NKAIN2: variants seen among roughly 807,000 people sequenced by gnomAD.
NKAIN2 encodes the protein sodium/potassium-transporting ATPase subunit beta-1-interacting protein 2.
Under a neutral mutation model 32.6 loss-of-function variants are expected in NKAIN2, and 14 were observed. The observed-to-expected ratio is 0.43, with a 90% CI of 0.28 to 0.67. The LOEUF is 0.67. NKAIN2 is among the 30% of genes least tolerant of loss of function. The pLI is 0.17. For missense variants in NKAIN2, 198 were observed against 258.3 expected (o/e 0.77, Z 1.60); for synonymous variants, 80 against 87.2 (o/e 0.92, Z 0.46).
chr6:123,911,072 A>G (rs892669239), intron 1 of NKAIN2, among the ~76,000 whole-genome samples: 5 of 152,066 alleles, frequency 3.3e-5, no homozygotes, highest in South Asian at 4.1e-4. Flanking sequence ...CTAGGTTGCT[A>G]TATTCTCATT....
rs536822371 is a variant in NKAIN2, at chr6:123,917,667, C to G, written c.54+113413C>G. Among the ~76,000 whole-genome samples, 8 of 152,154 alleles carry G rather than the reference C, an allele frequency of 5.3e-5. No individual in the cohort carries two copies. The East Asian group carries it at 1.6e-3, about 29-fold the overall frequency. ...CTTTTCTACATCCCTTCCTATGTCC[C>G]CATACTGTCACTCTGTTCATCAAAG... On this transcript the variant is annotated intron_variant, in intron 1 of 6. Transcript: ENST00000368417.
chr6:124,227,537 G>A (rs1042506251), intron 1 of NKAIN2, among the ~76,000 whole-genome samples: 4 of 152,152 alleles, frequency 2.6e-5, no homozygotes, highest in Admixed American at 2.6e-4. Context: ...AATTAAAGGA[G>A]TGGTATTCAT....
chr6:123,903,509 G>A (rs939949845), intron 1 of NKAIN2, among the ~76,000 whole-genome samples: 2 of 152,116 alleles, frequency 1.3e-5, no homozygotes, highest in African/African-American at 4.8e-5. Context: ...GAATGGCCCT[G>A]GGTGTTACTA....
At chr6:124,127,203 A>G (rs1428687436) in intron 1 of NKAIN2, among the ~76,000 whole-genome samples, 3 of 152,172 alleles carry the variant, frequency 2.0e-5, no homozygotes, top group African/African-American at 7.2e-5. Flanking sequence ...TCATGGATGG[A>G]GAGATTCTGA....
chr6:123,834,128 T>A (rs527437005), intron 1 of NKAIN2, among the ~76,000 whole-genome samples: 1 of 152,214 alleles, frequency 6.6e-6, no homozygotes, highest in East Asian at 1.9e-4. Context: ...TTTGCAATAA[T>A]TCCATATTAG....
chr6:124,062,179 A>C (rs1782944212), intron 1 of NKAIN2, among the ~76,000 whole-genome samples: 1 of 152,158 alleles, frequency 6.6e-6, no homozygotes, highest in African/African-American at 2.4e-5. Context: ...AATTAAGTTT[A>C]TGGCCTACAT....
At chr6:124,762,647 T>C (rs1778324954) in intron 4 of NKAIN2, among the ~76,000 whole-genome samples, 1 of 152,206 alleles carries the variant, frequency 6.6e-6, no homozygotes, top group Admixed American at 6.5e-5. Context: ...AGATATGAGC[T>C]AGACCACAAG....
chr6:124,817,824 C>G (rs555961046), intron 5 of NKAIN2, among the ~76,000 whole-genome samples: 1 of 152,094 alleles, frequency 6.6e-6, no homozygotes, highest in Non-Finnish European at 1.5e-5. Context: ...TAGACTGTTC[C>G]ACATGTTTAC....
At chr6:124,384,164 A>T (rs1772780852) in intron 3 of NKAIN2, among the ~76,000 whole-genome samples, 1 of 152,186 alleles carries the variant, frequency 6.6e-6, no homozygotes, top group South Asian at 2.1e-4. Context: ...TAAGTTAATT[A>T]TCTGTCTCCC....
intron 1 of NKAIN2, among the ~76,000 whole-genome samples, chr6:124,219,334 G>A (rs1200589997): frequency 1.3e-5 from 2 of 148,986 alleles, no homozygotes; most frequent in African/African-American, 5.0e-5. Context: ...CTGGACTGCA[G>A]TGGTGCGATC....
intron 3 of NKAIN2, among the ~76,000 whole-genome samples, chr6:124,359,031 TC>T (rs1799138241): frequency 6.6e-6 from 1 of 151,972 alleles, no homozygotes; most frequent in Non-Finnish European, 1.5e-5. Flanking sequence ...AAATAGGGAA[TC>T]CTTTCCCCAT....
intron 1 of NKAIN2, among the ~76,000 whole-genome samples, chr6:124,050,366 A>G (rs1279296872): frequency 6.6e-6 from 1 of 152,042 alleles, no homozygotes; most frequent in African/African-American, 2.4e-5. Context: ...AGTAAAATAT[A>G]TAATCTTGCC....
rs148966423 is a variant in NKAIN2 at position 124,525,126 on chromosome 6, T to G, written c.274-133060T>G. ...GAACCGTTGACAGAAACTGAGACAA[T>G]AGCTTAGGGAGAGATAGGAAAAAAG... is the stretch of plus-strand genomic sequence containing the variant. On this transcript the variant is annotated intron_variant, in intron 3 of 6. Coordinates refer to ENST00000368417, the MANE Select transcript of NKAIN2 (RefSeq NM_001040214.3). Among the ~76,000 whole-genome samples the G allele has an allele frequency of 1.1e-4, 17 of 152,232 alleles. No homozygotes were observed. The East Asian group carries it at 2.9e-3, about 26-fold the overall frequency.
intron 1 of NKAIN2, among the ~76,000 whole-genome samples, chr6:123,825,914 T>C (rs762495191): frequency 5.3e-5 from 8 of 152,214 alleles, no homozygotes; most frequent in Non-Finnish European, 1.0e-4. Context: ...AGCACTTTTC[T>C]GGAATACTTA....
chr6:124,682,136 T>G (rs1352517074), intron 4 of NKAIN2, among the ~76,000 whole-genome samples: 6 of 150,258 alleles, frequency 4.0e-5, no homozygotes, highest in African/African-American at 7.3e-5. Context: ...TAAAAAATGT[T>G]TTTTTTTTAC....
At chr6:124,201,418 C>G (rs985624467) in intron 1 of NKAIN2, among the ~76,000 whole-genome samples, 1 of 151,950 alleles carries the variant, frequency 6.6e-6, no homozygotes, top group Non-Finnish European at 1.5e-5. Context: ...ACCAATGATT[C>G]TAATTAGTGG....
At chr6:123,859,919 G>T in intron 1 of NKAIN2, among the ~76,000 whole-genome samples, 1 of 152,232 alleles carries the variant, frequency 6.6e-6, no homozygotes, top group East Asian at 1.9e-4. Flanking sequence ...TCAAACTCCT[G>T]ACCTCAAGTG....
chr6:124,156,548 T>C (rs568318721), intron 1 of NKAIN2, among the ~76,000 whole-genome samples: 1 of 152,110 alleles, frequency 6.6e-6, no homozygotes, highest in Admixed American at 6.5e-5. Context: ...TGAAAAGAAG[T>C]TCAGTGTATC....
At chr6:124,691,183 T>C (rs371691500) in intron 4 of NKAIN2, among the ~76,000 whole-genome samples, 3 of 152,180 alleles carry the variant, frequency 2.0e-5, no homozygotes, top group East Asian at 3.9e-4. Context: ...TATTTTCCTA[T>C]GCCACATTTG....
Sources: allele counts gnomAD v4.1 joint callset (sites outside exome capture counted in the v4.1 genomes callset), GRCh38; gene constraint gnomAD v4.1.1; transcripts MANE v1.5; gene names NCBI Gene and HGNC (gene_info 2026-07-23, HGNC 2026-07-21).